ZNF527: variants seen among roughly 807,000 people sequenced by gnomAD.
ZNF527 encodes zinc finger protein 527.
A neutral mutation model predicts 13.5 loss-of-function variants in ZNF527; 5 were observed. That is an observed-to-expected ratio of 0.37 (90% CI 0.19 to 0.78). The LOEUF is 0.78. ZNF527 is among the 30% of genes least tolerant of loss of function. The pLI is 0.48. For synonymous variants in ZNF527, 209 were observed against 243.1 expected (o/e 0.86, Z 1.30); for missense variants, 628 against 726.4 (o/e 0.86, Z 1.56).
intron 1 of ZNF527, among the ~76,000 whole-genome samples, chr19:37,373,236 TGA>T (rs375824455): frequency 3.3e-5 from 5 of 152,194 alleles, no homozygotes; most frequent in Admixed American, 1.3e-4. Flanking sequence ...GCTGTGTGTG[TGA>T]GAGAGAGAGA....
chr19:37,388,124 T>C (rs2040715155), intron 4 of ZNF527, among the ~76,000 whole-genome samples, 182 bp from the exon 5 acceptor site: 1 of 152,202 alleles, frequency 6.6e-6, no homozygotes, highest in African/African-American at 2.4e-5. Flanking sequence ...TTCTCAGCTC[T>C]CTTTATTCTT....
At chr19:37,379,434 G>T in intron 3 of ZNF527, 188 bp downstream of exon 3, 2 of 422,482 alleles carry the variant, frequency 4.7e-6, no homozygotes, top group Non-Finnish European at 7.8e-6. Context: ...ACTTTTGGCA[G>T]ACATTCTGAA....
chr19:37,378,639 T>C (rs1234053164), intron 2 of ZNF527, among the ~76,000 whole-genome samples: 2 of 152,136 alleles, frequency 1.3e-5, no homozygotes, highest in Admixed American at 6.5e-5. Context: ...CCAATGAAAA[T>C]TCTATCTAAG....
In ZNF527 at chr19:37,389,282, G is replaced by A; in HGVS notation, c.1233G>A (p.Glu411=). ...LNQHQRIHTG[E]KPYECNQCGK... is the part of the protein sequence containing the mutation. ...AACATCAGAGGATTCACACTGGAGA[G>A]AAACCCTATGAATGTAATCAGTGTG... The change falls in exon 5 of 5, where the codon GAG becomes GAA. Residue 411 remains glutamate (E), a synonymous_variant. Transcript: ENST00000436120. The A allele has an allele frequency of 6.2e-7, 1 of 1,614,196 alleles. No individual in the cohort carries two copies. Among genetic ancestry groups the A allele is most frequent in the Non-Finnish European group, 8.5e-7 (1 of 1,180,042 alleles).
chr19:37,375,072 T>C (rs2040587898), intron 2 of ZNF527, among the ~76,000 whole-genome samples: 1 of 152,268 alleles, frequency 6.6e-6, no homozygotes, highest in Admixed American at 6.5e-5. Context: ...GCTAGGCAGC[T>C]ACATGAATGG....
In ZNF527 at chr19:37,390,754, A is replaced by G. The variant is rs935875858; in HGVS notation, c.*875A>G. 2 of 152,078 alleles carry G rather than the reference A, an allele frequency of 1.3e-5. No individual in the cohort carries two copies. The highest frequency in any genetic ancestry group is 2.9e-5 in the Non-Finnish European group (2 of 68,014). 9.4% of individuals were successfully genotyped at this position (152,078 alleles called of 1,614,324 possible). On this transcript the variant is annotated 3_prime_UTR_variant, in exon 5 of 5. Transcript: ENST00000436120. ...TTTTTCATTTTTTGTGATCCAATAA[A>G]TTTCCTTTTTTTGCTTAATTTGGAT...
intron 2 of ZNF527, among the ~76,000 whole-genome samples, chr19:37,378,637 A>C (rs1471442229): frequency 6.6e-6 from 1 of 152,154 alleles, no homozygotes; most frequent in African/African-American, 2.4e-5. Flanking sequence ...TTCCAATGAA[A>C]ATTCTATCTA....
intron 4 of ZNF527, among the ~76,000 whole-genome samples, chr19:37,381,791 A>G: frequency 6.6e-6 from 1 of 152,156 alleles, no homozygotes; most frequent in Non-Finnish European, 1.5e-5. Context: ...TTCTTTGTGT[A>G]TATTAATTGG....
chr19:37,375,286 CTT>C lies in ZNF527; in HGVS notation c.33+1057_33+1058del, dbSNP rs773566095. 1.1e-3 allele frequency among the ~76,000 whole-genome samples: 131 copies of C among 122,678 alleles called. 1 individual carries two copies. The highest frequency in any genetic ancestry group is 4.4e-3 in the African/African-American group (126 of 28,588). 80.5% of individuals were successfully genotyped at this position (122,678 alleles called of 152,430 possible). ...TCTTTCTTTCTTTCTTTCTTTCTTT[CTT>C]TCTTTCTTTCTTTCTTTCTTTCTTT... On this transcript the variant is annotated intron_variant, in intron 2 of 4. Coordinates refer to ENST00000436120, the MANE Select transcript of ZNF527 (RefSeq NM_032453.2).
Position 37,392,448 on chromosome 19 carries a change from G to C in ZNF527, c.*2569G>C, listed in dbSNP as rs765186927. On this transcript the variant is annotated 3_prime_UTR_variant, in exon 5 of 5. Transcript: ENST00000436120. The stretch of plus-strand genomic sequence containing the variant: ...TCTGTTATCCAGGCTGGAATGCGGT[G>C]ACACAATCATGGCTCACTGCAGCCT... The C allele has an allele frequency of 6.6e-6, 1 of 152,130 alleles. No individual in the cohort carries two copies. Among genetic ancestry groups the C allele is most frequent in the South Asian group, 2.1e-4 (1 of 4,816 alleles). The allele number at this position is 152,130 out of a possible 1,614,324, so 9.4% of individuals were successfully genotyped here.
chr19:37,381,981 T>G (rs1288108145), intron 4 of ZNF527, among the ~76,000 whole-genome samples: 1 of 152,214 alleles, frequency 6.6e-6, no homozygotes, highest in Non-Finnish European at 1.5e-5. Flanking sequence ...GTAAATCCAA[T>G]GAATCATTAT....
At position 37,388,938 on chromosome 19, in the gene ZNF527, A is replaced by C; in HGVS notation, c.889A>C (p.Ser297Arg). The C allele has an allele frequency of 6.2e-7, 1 of 1,611,434 alleles. No individual in the cohort carries two copies. The highest frequency in any genetic ancestry group is 1.3e-5 in the African/African-American group (1 of 74,950). The change falls in exon 5 of 5, where the codon AGT becomes CGT. Residue 297 changes from serine (S) to arginine (R), a missense_variant. By Grantham distance (110) the Ser-to-Arg change is moderately radical. Transcript: ENST00000436120. The part of the protein sequence containing the change: ...SFFTQPQRIH[S>R]GEKPYACNDC... Reference sequence around the variant, plus strand: ...CTTTACTCAACCTCAGAGAATTCACAGTGGAGAAAAACCATATGCATGCAA... The same window carrying C: ...CTTTACTCAACCTCAGAGAATTCACCGTGGAGAAAAACCATATGCATGCAA...
rs758506519 is a variant in ZNF527 at position 37,389,030 on chromosome 19, GA to G, written c.984del (p.Lys328AsnfsTer100). 3 of 1,614,088 alleles carry G rather than the reference GA, an allele frequency of 1.9e-6. No homozygotes were observed. Among genetic ancestry groups the G allele is most frequent in the Non-Finnish European group, 2.5e-6 (3 of 1,180,042 alleles). ...SEHQRTHIGE[K>X]PYECKECNKA... ...AACATCAAAGAACTCATATTGGGGA[GA>G]AACCTTATGAATGTAAGGAATGTAA... On this transcript the variant is annotated frameshift_variant, in exon 5 of 5. Coordinates refer to ENST00000436120, the MANE Select transcript of ZNF527 (RefSeq NM_032453.2). LOFTEE classifies it low-confidence loss of function (END_TRUNC).
intron 1 of ZNF527, among the ~76,000 whole-genome samples, chr19:37,373,164 A>ATGACTGTCTGAGTAGTC (rs2040572555): frequency 2.0e-5 from 3 of 152,232 alleles, no homozygotes; most frequent in South Asian, 2.1e-4. Flanking sequence ...TGAGGATTAA[A>ATGACTGTCTGAGTAGTC]TGAGATAATG....
chr19:37,376,963 AT>A (rs1300423925), intron 2 of ZNF527, among the ~76,000 whole-genome samples: 4 of 152,094 alleles, frequency 2.6e-5, no homozygotes, highest in Middle Eastern at 3.4e-3. Context: ...TTTTCTATTT[AT>A]TTTTTTCTTG....
At chr19:37,379,049 C>T in intron 2 of ZNF527, 71 bp from the exon 3 acceptor site, 1 of 1,588,194 alleles carries the variant, frequency 6.3e-7, no homozygotes, top group Non-Finnish European at 8.6e-7. Context: ...GAACTCTGGC[C>T]AAATTCATCT....
chr19:37,376,056 G>A lies in ZNF527; in HGVS notation c.33+1825G>A, dbSNP rs73930979. Among the ~76,000 whole-genome samples, 567 of 152,260 alleles carry A rather than the reference G, an allele frequency of 3.7e-3. 2 individuals carry two copies. The highest frequency in any genetic ancestry group is 0.013 in the African/African-American group (545 of 41,550). On this transcript the variant is annotated intron_variant, in intron 2 of 4. Coordinates refer to ENST00000436120, the MANE Select transcript of ZNF527 (RefSeq NM_032453.2). ...TTAAGAGAGAATGGAGGCCGGGTGC[G>A]GTGGCTTATGGCTGTAATCCCAGTA... is the stretch of plus-strand genomic sequence containing the variant.
At chr19:37,372,476 T>C (rs1018630633) in intron 1 of ZNF527, among the ~76,000 whole-genome samples, 5 of 136,310 alleles carry the variant, frequency 3.7e-5, no homozygotes, top group Admixed American at 7.2e-5. Flanking sequence ...TCTTTTTTTT[T>C]TTTTTTTTTT....
chr19:37,371,778 C>T (rs556661463), intron 1 of ZNF527, among the ~76,000 whole-genome samples: 39 of 152,074 alleles, frequency 2.6e-4, no homozygotes, highest in Non-Finnish European at 4.9e-4. Flanking sequence ...TTGTATGTTA[C>T]CATCTATCTT....
Sources: allele counts gnomAD v4.1 joint callset (sites outside exome capture counted in the v4.1 genomes callset), GRCh38; gene constraint gnomAD v4.1.1; transcripts MANE v1.5; gene names NCBI Gene and HGNC (gene_info 2026-07-23, HGNC 2026-07-21).